The following TPM3 variants were observed in gnomAD, a reference collection of about 807,000 sequenced individuals.
TPM3 encodes the protein tropomyosin alpha-3 chain.
A neutral mutation model predicts 43.1 loss-of-function variants in TPM3; 16 were observed. The ratio of observed to expected loss-of-function variants is 0.37; its 90% confidence interval spans 0.25 to 0.56. TPM3 has a LOEUF of 0.56. Among genes scored for constraint, TPM3 ranks in the 20% least tolerant of loss-of-function variants. The pLI is 0.77. For missense variants in TPM3, 176 were observed against 337.2 expected (o/e 0.52, Z 3.74); for synonymous variants, 101 against 116.9 (o/e 0.86, Z 0.88).
chr1:154,184,142 G>A (rs910585558), intron 2 of TPM3, among the ~76,000 whole-genome samples: 1 of 151,968 alleles, frequency 6.6e-6, no homozygotes, highest in African/African-American at 2.4e-5. Flanking sequence ...CGCCTCCCGG[G>A]TTCAAGCGAT....
At chr1:154,170,850 C>A (rs1661497661) in intron 6 of TPM3, 139 bp from the exon 7 acceptor site, 1 of 703,076 alleles carries the variant, frequency 1.4e-6, no homozygotes, top group South Asian at 1.5e-5. Context: ...CAAGGCCTGG[C>A]TCTGGACAAT....
intron 2 of TPM3, chr1:154,183,887 A>G (rs1215155314): frequency 1.4e-5 from 2 of 139,970 alleles, no homozygotes; most frequent in African/African-American, 5.4e-5. Flanking sequence ...TTAAGAGACA[A>G]GATCTCGCTC....
intron 2 of TPM3, chr1:154,177,998 T>C (rs953853033): frequency 3.5e-6 from 1 of 288,130 alleles, no homozygotes; most frequent in Non-Finnish European, 5.2e-6. Context: ...TCCAGAAAAA[T>C]AGATGTTCTC....
chr1:154,171,900 A>G (rs1449887333), intron 5 of TPM3: 2 of 966,158 alleles, frequency 2.1e-6, no homozygotes, highest in Non-Finnish European at 1.7e-6. Context: ...AAAAGAATGG[A>G]GCATTCCATG....
Position 154,163,503 on chromosome 1 carries a change from TCCTTCTTAGCCTC to T in TPM3, c.*4421_*4433del, listed in dbSNP as rs1250583564. Among the ~76,000 whole-genome samples the T allele has an allele frequency of 6.6e-6, 1 of 152,192 alleles. No homozygotes were observed. Among genetic ancestry groups the T allele is most frequent in the Non-Finnish European group, 1.5e-5 (1 of 68,030 alleles). On this transcript the variant is annotated 3_prime_UTR_variant, in exon 10 of 10. Coordinates refer to ENST00000651641, the MANE Select transcript of TPM3 (RefSeq NM_152263.4). ...ATGCATGTCCCATTTTCAGTTATCTTCCTTCTTAGCCTCTCTGTTGAAAAACCACTAGAAAGCA... is the reference window on the plus strand; with the variant it reads ...ATGCATGTCCCATTTTCAGTTATCTTTCTGTTGAAAAACCACTAGAAAGCA...
At chr1:154,184,150 G>A (rs1181304213) in intron 2 of TPM3, among the ~76,000 whole-genome samples, 2 of 151,892 alleles carry the variant, frequency 1.3e-5, no homozygotes, top group Non-Finnish European at 1.5e-5. Flanking sequence ...GGGTTCAAGC[G>A]ATTCTCCTGC....
chr1:154,181,139 CAGATAATA>C (rs2148275640), intron 2 of TPM3, among the ~76,000 whole-genome samples: 1 of 152,234 alleles, frequency 6.6e-6, no homozygotes, highest in South Asian at 2.1e-4. Context: ...CTCACTTGCA[CAGATAATA>C]AGAAGTTGTT....
intron 2 of TPM3, chr1:154,183,156 G>T (rs749966728): frequency 1.3e-6 from 2 of 1,597,360 alleles, no homozygotes; most frequent in Non-Finnish European, 1.7e-6. Context: ...TCCGGTTCCT[G>T]CCTCCTCCGC....
In TPM3 at chr1:154,168,005, G is replaced by GAAAAAGGAAGAGGAA. The variant is rs968984900; in HGVS notation, c.855-80_855-66dup. ...AGCATCAATCTAGATAGCAAACTGG[G>GAAAAAGGAAGAGGAA]AAAAAGGAAGAGGAAAAAAAGGAAG... On this transcript the variant is annotated intron_variant, in intron 9 of 9. Transcript: ENST00000651641. 56 of 1,609,880 alleles carry GAAAAAGGAAGAGGAA rather than the reference G, an allele frequency of 3.5e-5. No homozygotes were observed. In the African/African-American group the frequency reaches 7.3e-4, roughly 21 times the overall value.
intron 2 of TPM3, among the ~76,000 whole-genome samples, chr1:154,189,276 A>G (rs1663567067): frequency 6.8e-6 from 1 of 147,412 alleles, no homozygotes; most frequent in African/African-American, 2.5e-5. Context: ...TGAGGTTAGG[A>G]GTTCGAGACC....
intron 1 of TPM3, 81 bp downstream of exon 1, chr1:154,191,821 C>T: frequency 1.3e-6 from 2 of 1,581,964 alleles, no homozygotes; most frequent in Non-Finnish European, 1.7e-6. Flanking sequence ...CACCAGTAGT[C>T]ACTGTCTTTC....
intron 2 of TPM3, chr1:154,183,352 G>T (rs1376452489): frequency 3.6e-6 from 5 of 1,404,674 alleles, no homozygotes; most frequent in African/African-American, 2.9e-5. Flanking sequence ...CTGGAGTACG[G>T]CTCCCGGCCT....
At chr1:154,168,189 G>GT (rs1438819810) in intron 9 of TPM3, among the ~76,000 whole-genome samples, 2 of 152,184 alleles carry the variant, frequency 1.3e-5, no homozygotes, top group Non-Finnish European at 2.9e-5. Flanking sequence ...TTTTGGTGCT[G>GT]TTTATCACTT....
At chr1:154,173,018 G>A (rs773911278) in intron 4 of TPM3, 40 bp from the exon 5 acceptor site, 36 of 1,613,886 alleles carry the variant, frequency 2.2e-5, no homozygotes, top group Non-Finnish European at 4.2e-6. Flanking sequence ...TGAAGCAAAG[G>A]AGCCATTTAC....
intron 1 of TPM3, 112 bp from the exon 2 acceptor site, chr1:154,191,423 G>C (rs1663676835): frequency 6.4e-7 from 1 of 1,558,334 alleles, no homozygotes; most frequent in Non-Finnish European, 8.7e-7. Flanking sequence ...TCCCTAGTGA[G>C]ACACACTTTC....
At chr1:154,184,228 G>A (rs1382462352) in intron 2 of TPM3, among the ~76,000 whole-genome samples, 1 of 151,720 alleles carries the variant, frequency 6.6e-6, no homozygotes, top group Non-Finnish European at 1.5e-5. Flanking sequence ...TAGTAGAGAC[G>A]GGGTTTCACC....
chr1:154,185,465 C>T (rs1246735637), intron 2 of TPM3, among the ~76,000 whole-genome samples: 2 of 148,346 alleles, frequency 1.3e-5, no homozygotes, highest in Non-Finnish European at 3.0e-5. Flanking sequence ...AGGTGGATCA[C>T]GAGGTCAGGA....
chr1:154,170,199 T>C, intron 8 of TPM3: 1 of 603,334 alleles, frequency 1.7e-6, no homozygotes, highest in Non-Finnish European at 3.0e-6. Context: ...TAAAGTCTTC[T>C]TAAAGGAAAA....
intron 3 of TPM3, among the ~76,000 whole-genome samples, chr1:154,174,391 T>TAC (rs1662019774): frequency 9.6e-6 from 1 of 104,446 alleles, no homozygotes; most frequent in African/African-American, 4.5e-5. Context: ...TATATATATA[T>TAC]ATATATATAT....
Sources: gnomAD v4.1 joint callset for allele counts (sites outside exome capture counted in the v4.1 genomes callset) on GRCh38, gnomAD v4.1.1 for gene constraint, MANE v1.5 for transcripts, NCBI Gene and HGNC (gene_info 2026-07-23, HGNC 2026-07-21) for gene names.